Variants in CSMD1 observed in about 807,000 individuals in gnomAD.
CSMD1 encodes CUB and Sushi multiple domains 1.
In CSMD1, 213 loss-of-function variants were observed where a neutral mutation model predicts 417.5. The observed-to-expected ratio is 0.51, with a 90% confidence interval of 0.46 to 0.57. The LOEUF (loss-of-function observed/expected upper bound fraction) is 0.57, where lower values mean the gene tolerates loss of function less well. Ranked by LOEUF, CSMD1 falls within the 20% of genes least tolerant of loss-of-function variation. The pLI is 0.00. For missense variants in CSMD1, 6,923 were observed against 4,529.7 expected, an observed-to-expected ratio of 1.53 and a Z score of -15.17; for synonymous variants, 2,862 against 1,736.8, an observed-to-expected ratio of 1.65 and a Z score of -16.11.
intron 7 of CSMD1, among the ~76,000 whole-genome samples, chr8:3,626,572 G>C (rs1043862681): frequency 2.0e-5 from 3 of 151,484 alleles, no homozygotes; most frequent in East Asian, 1.9e-4. Context: ...AGTTTTATTT[G>C]TCATTCCCTA....
At chr8:4,032,190 A>C (rs1797384188) in intron 3 of CSMD1, 91 bp from the exon 4 acceptor site, 1 of 885,120 alleles carries the variant, frequency 1.1e-6, no homozygotes, top group African/African-American at 1.7e-5. Flanking sequence ...TTTTTGAATT[A>C]TTAAAATGAG....
chr8:3,850,686 C>A (rs1294243496), intron 5 of CSMD1, among the ~76,000 whole-genome samples: 2 of 152,094 alleles, frequency 1.3e-5, no homozygotes, highest in East Asian at 3.9e-4. Flanking sequence ...CAGAGTGCGA[C>A]TCTGTCTCAA....
chr8:3,380,986 G>A (rs779270383), intron 18 of CSMD1, among the ~76,000 whole-genome samples: 1 of 151,984 alleles, frequency 6.6e-6, no homozygotes, highest in Admixed American at 6.6e-5. Flanking sequence ...TGAATGCACA[G>A]GTATGTGAGA....
At chr8:4,393,141 A>T (rs1044342019) in intron 3 of CSMD1, among the ~76,000 whole-genome samples, 1 of 151,374 alleles carries the variant, frequency 6.6e-6, no homozygotes, top group Non-Finnish European at 1.5e-5. Context: ...ACGCCCGACT[A>T]ATTTTTGTAT....
At chr8:3,181,612 T>C (rs953617807) in intron 36 of CSMD1, among the ~76,000 whole-genome samples, 1 of 152,186 alleles carries the variant, frequency 6.6e-6, no homozygotes, top group African/African-American at 2.4e-5. Flanking sequence ...ACCCTGTGGA[T>C]AGTGATCTGA....
intron 3 of CSMD1, among the ~76,000 whole-genome samples, chr8:4,391,114 T>C (rs1309953154): frequency 6.6e-6 from 1 of 152,170 alleles, no homozygotes; most frequent in Non-Finnish European, 1.5e-5. Flanking sequence ...CAGCCACAAA[T>C]CTGTGTTTCT....
intron 1 of CSMD1, among the ~76,000 whole-genome samples, chr8:4,748,576 A>C (rs1676944): frequency 0.21 from 31,959 of 152,144 alleles, 4,616 homozygotes; most frequent in African/African-American, 0.42. Context: ...TGGGTTCAGC[A>C]TTCTGAGAAG....
At chr8:3,827,958 G>C (rs1802150173) in intron 5 of CSMD1, among the ~76,000 whole-genome samples, 3 of 152,174 alleles carry the variant, frequency 2.0e-5, no homozygotes, top group African/African-American at 7.2e-5. Flanking sequence ...TCCTGACATT[G>C]CTAACCAAAT....
chr8:4,292,655 T>G (rs535310037), intron 3 of CSMD1, among the ~76,000 whole-genome samples: 1 of 152,322 alleles, frequency 6.6e-6, no homozygotes, highest in East Asian at 1.9e-4. Flanking sequence ...ATCATCAACA[T>G]GTTTCTATAC....
chr8:3,330,920 G>A (rs906066343), intron 23 of CSMD1, among the ~76,000 whole-genome samples: 4 of 152,102 alleles, frequency 2.6e-5, no homozygotes, highest in Non-Finnish European at 4.4e-5. Context: ...CCACGTATGA[G>A]AGATGACATC....
At chr8:3,026,426 TTCACTGGGCC>T (rs1035575676) in intron 51 of CSMD1, among the ~76,000 whole-genome samples, 7 of 147,942 alleles carry the variant, frequency 4.7e-5, no homozygotes, top group Non-Finnish European at 8.9e-5. Flanking sequence ...CTCACTGGAC[TTCACTGGGCC>T]TCACTGGGCC....
At position 4,410,443 on chromosome 8, in the gene CSMD1, G is replaced by C. The variant is rs901344429; in HGVS notation, c.415+9510C>G. On this transcript the variant is annotated intron_variant, in intron 3 of 69. Coordinates refer to ENST00000635120, the MANE Select transcript of CSMD1 (RefSeq NM_033225.6). ...TAACACTTTGCATTTCTAGCGTCCA[G>C]ATAGTATATAGCCAATATTTGATGG... Among the ~76,000 whole-genome samples, 8 of 152,226 alleles carry C rather than the reference G, an allele frequency of 5.3e-5. No individual in the cohort carries two copies. In the East Asian group the frequency reaches 7.7e-4, roughly 15 times the overall value.
intron 5 of CSMD1, among the ~76,000 whole-genome samples, chr8:3,765,198 C>T (rs1005700695): frequency 6.6e-6 from 1 of 152,134 alleles, no homozygotes; most frequent in Non-Finnish European, 1.5e-5. Flanking sequence ...TGTGTTCTGC[C>T]CATGTGGTGG....
At chr8:4,883,746 T>C (rs1309555256) in intron 1 of CSMD1, among the ~76,000 whole-genome samples, 2 of 152,130 alleles carry the variant, frequency 1.3e-5, no homozygotes, top group African/African-American at 2.4e-5. Flanking sequence ...TTTGTTATTT[T>C]TTCACATTTT....
At chr8:3,830,930 T>C (rs1013922458) in intron 5 of CSMD1, among the ~76,000 whole-genome samples, 5 of 152,130 alleles carry the variant, frequency 3.3e-5, no homozygotes, top group Non-Finnish European at 7.3e-5. Flanking sequence ...CTAAAATTAT[T>C]TCTTAAGTTC....
At chr8:3,764,162 G>C (rs371982576) in intron 5 of CSMD1, among the ~76,000 whole-genome samples, 10 of 152,232 alleles carry the variant, frequency 6.6e-5, no homozygotes, top group African/African-American at 2.4e-4. Flanking sequence ...TCACTCCAGG[G>C]ACCCCTCCTC....
In CSMD1 at chr8:3,182,840, A is replaced by AGGGGTG. The variant is rs746430415; in HGVS notation, c.5621-1627_5621-1626insCACCCC. Among the ~76,000 whole-genome samples the AGGGGTG allele has an allele frequency of 6.0e-4, 27 of 45,200 alleles. 1 individual carries two copies. The highest frequency in any genetic ancestry group is 1.5e-3 in the East Asian group (2 of 1,352). The allele number at this position is 45,200 out of a possible 152,430, so 29.7% of individuals were successfully genotyped here. ...GGACTCTGGCTGTCTCTTTATAAGA[A>AGGGGTG]GGTGTGTGTGTGTGTGTGTGTGTGT... On this transcript the variant is annotated intron_variant, in intron 36 of 69. Transcript: ENST00000635120.
chr8:3,970,908 T>C (rs548889126), intron 5 of CSMD1, among the ~76,000 whole-genome samples: 269 of 152,210 alleles, frequency 1.8e-3, no homozygotes, highest in Non-Finnish European at 3.1e-3. Context: ...ACTGCCACCA[T>C]GCTCCGCTAA....
intron 1 of CSMD1, among the ~76,000 whole-genome samples, chr8:4,739,190 G>T (rs1563259953): frequency 6.6e-6 from 1 of 152,096 alleles, no homozygotes; most frequent in Admixed American, 6.6e-5. Flanking sequence ...CCGTGTATTT[G>T]TTCAATAATT....
Sources: allele counts gnomAD v4.1 joint callset (sites outside exome capture counted in the v4.1 genomes callset), GRCh38; gene constraint gnomAD v4.1.1; transcripts MANE v1.5; gene names NCBI Gene and HGNC (gene_info 2026-07-23, HGNC 2026-07-21).